NKAIN1: variants seen among roughly 807,000 people sequenced by gnomAD.
NKAIN1 encodes the protein sodium/potassium transporting ATPase interacting 1, also known as sodium/potassium-transporting ATPase subunit beta-1-interacting protein 1.
A neutral mutation model predicts 31.6 loss-of-function variants in NKAIN1; 13 were observed. The observed-to-expected ratio is 0.41, with a 90% CI of 0.27 to 0.65. The LOEUF is 0.65. Ranked by LOEUF, NKAIN1 falls within the 30% of genes least tolerant of loss-of-function variation. The pLI is 0.30. For synonymous variants in NKAIN1, 104 were observed against 109.0 expected (o/e 0.95, Z 0.28); for missense variants, 193 against 262.2 (o/e 0.74, Z 1.82).
At chr1:31,183,468 T>TA (rs1645219060) in intron 4 of NKAIN1, among the ~76,000 whole-genome samples, 4 of 129,110 alleles carry the variant, frequency 3.1e-5, no homozygotes, top group African/African-American at 1.2e-4. Context: ...TTTTTTTTTT[T>TA]ATGGAGTTTC....
intron 1 of NKAIN1, among the ~76,000 whole-genome samples, chr1:31,231,688 G>A (rs1269235462): frequency 3.0e-5 from 2 of 66,856 alleles, no homozygotes; most frequent in East Asian, 8.7e-4. Flanking sequence ...CCGCCACCAC[G>A]CCCGGCTAAT....
intron 1 of NKAIN1, among the ~76,000 whole-genome samples, chr1:31,215,506 G>T (rs1306617338): frequency 2.0e-5 from 3 of 152,192 alleles, no homozygotes; most frequent in African/African-American, 7.2e-5. Flanking sequence ...GGTGTAGGGG[G>T]TCTGTCAGTC....
At chr1:31,232,802 C>G (rs1348232445) in intron 1 of NKAIN1, among the ~76,000 whole-genome samples, 1 of 152,034 alleles carries the variant, frequency 6.6e-6, no homozygotes, top group East Asian at 1.9e-4. Context: ...AACAATTGTT[C>G]TCAAACCCTT....
At chr1:31,231,587 G>A (rs1210618731) in intron 1 of NKAIN1, among the ~76,000 whole-genome samples, 1 of 152,162 alleles carries the variant, frequency 6.6e-6, no homozygotes, top group South Asian at 2.1e-4. Context: ...CTGGAGTGCA[G>A]TGGCGCCATC....
At chr1:31,215,566 A>C (rs1346516485) in intron 1 of NKAIN1, among the ~76,000 whole-genome samples, 1 of 152,122 alleles carries the variant, frequency 6.6e-6, no homozygotes, top group Non-Finnish European at 1.5e-5. Flanking sequence ...TGAAGCTCTG[A>C]TTATCAGCAC....
At position 31,180,365 on chromosome 1, in the gene NKAIN1, G is replaced by C. The variant is rs1018631911; in HGVS notation, c.*1338C>G. ...CGTGGGATGCAGCGTCCTCAGGAGT[G>C]TCTGTGGAGGGAGGTGGGGAAAGTG... On this transcript the variant is annotated 3_prime_UTR_variant, in exon 7 of 7. Coordinates refer to ENST00000373736, the MANE Select transcript of NKAIN1 (RefSeq NM_024522.3). The C allele has an allele frequency of 6.6e-6, 1 of 152,244 alleles. No homozygotes were observed. The highest frequency in any genetic ancestry group is 2.4e-5 in the African/African-American group (1 of 41,462). 9.4% of individuals were successfully genotyped at this position (152,244 alleles called of 1,614,324 possible).
chr1:31,207,045 G>A (rs148606504), intron 1 of NKAIN1, among the ~76,000 whole-genome samples: 4 of 152,104 alleles, frequency 2.6e-5, no homozygotes, highest in African/African-American at 4.8e-5. Flanking sequence ...GGCTGTATGT[G>A]CTTTTTAAAC....
At chr1:31,219,018 A>G (rs989649808) in intron 1 of NKAIN1, among the ~76,000 whole-genome samples, 1 of 152,158 alleles carries the variant, frequency 6.6e-6, no homozygotes, top group Non-Finnish European at 1.5e-5. Context: ...TCAAGTCCAG[A>G]CCCTTCTCTA....
chr1:31,198,856 C>T (rs1043499515), intron 1 of NKAIN1, among the ~76,000 whole-genome samples: 1 of 152,172 alleles, frequency 6.6e-6, no homozygotes. Context: ...AGACGCCAAC[C>T]CCAGGAGCCC....
intron 1 of NKAIN1, among the ~76,000 whole-genome samples, chr1:31,232,424 T>TATATATATAGAGAGAGAG (rs1313157898): frequency 1.2e-4 from 2 of 16,920 alleles, no homozygotes; most frequent in Non-Finnish European, 2.3e-4. Context: ...TATATATATA[T>TATATATATAGAGAGAGAG]AGAGAGAGAG....
In NKAIN1 at chr1:31,183,798, G is replaced by A. The variant is rs763597532; in HGVS notation, c.471+19C>T. On this transcript the variant is annotated intron_variant, in intron 4 of 6. Coordinates refer to ENST00000373736, the MANE Select transcript of NKAIN1 (RefSeq NM_024522.3). ...AGGGATCGGGAAGTGTGTGTAGGGT[G>A]GGGGACAGAAGGACTTACTGCCAGG... 2 of 1,604,378 alleles carry A rather than the reference G, an allele frequency of 1.2e-6. No homozygotes were observed. The highest frequency in any genetic ancestry group is 1.7e-6 in the Non-Finnish European group (2 of 1,174,266).
intron 1 of NKAIN1, among the ~76,000 whole-genome samples, chr1:31,218,015 A>ATTTTCTTTCTTT (rs1557659853): frequency 3.0e-5 from 2 of 66,226 alleles, no homozygotes; most frequent in Non-Finnish European, 7.8e-5. Flanking sequence ...AGCAGCTACC[A>ATTTTCTTTCTTT]TTTTCTTTCT....
chr1:31,184,076 C>T, intron 3 of NKAIN1, 62 bp from the exon 4 acceptor site: 1 of 1,464,370 alleles, frequency 6.8e-7, no homozygotes, highest in Non-Finnish European at 9.4e-7. Context: ...GCTACTCCCC[C>T]AGCCCAGGAA....
intron 1 of NKAIN1, among the ~76,000 whole-genome samples, chr1:31,222,519 G>T (rs939235718): frequency 3.3e-5 from 5 of 152,228 alleles, no homozygotes; most frequent in Non-Finnish European, 7.3e-5. Context: ...TCTGGGGGTG[G>T]TGACCCGTCA....
In NKAIN1 at chr1:31,239,448, C is replaced by T. The variant is rs910996767; in HGVS notation, c.54+46G>A. ...ACCCGCACGCCCTGGGACCGCGCCC[C>T]GCCGCGCCCCACCCTGCCCCGACTG... On this transcript the variant is annotated intron_variant, in intron 1 of 6. Transcript: ENST00000373736. This position sits in a 1 kb window ranked among gnomAD's most constrained non-coding sequence, Gnocchi z 4.8. 8 of 1,411,598 alleles carry T rather than the reference C, an allele frequency of 5.7e-6. No individual in the cohort carries two copies. Among genetic ancestry groups the T allele is most frequent in the East Asian group, 3.1e-5 (1 of 32,744 alleles). The allele number at this position is 1,411,598 out of a possible 1,614,324, so 87.4% of individuals were successfully genotyped here.
At chr1:31,207,157 A>G (rs1236562121) in intron 1 of NKAIN1, among the ~76,000 whole-genome samples, 1 of 152,232 alleles carries the variant, frequency 6.6e-6, no homozygotes, top group Non-Finnish European at 1.5e-5. Flanking sequence ...AAGAAGCTGT[A>G]CACCACAGAG....
intron 1 of NKAIN1, among the ~76,000 whole-genome samples, chr1:31,205,507 C>T (rs1323573349): frequency 6.6e-6 from 1 of 151,802 alleles, no homozygotes; most frequent in Non-Finnish European, 1.5e-5. Flanking sequence ...TGGGGTTTCA[C>T]TATGTTGGCC....
At chr1:31,209,781 C>T (rs1313909198) in intron 1 of NKAIN1, among the ~76,000 whole-genome samples, 1 of 151,954 alleles carries the variant, frequency 6.6e-6, no homozygotes, top group Non-Finnish European at 1.5e-5. Context: ...CGCATCACTC[C>T]CCTCCAGTCT....
chr1:31,185,434 T>C, intron 2 of NKAIN1, 107 bp from the exon 3 acceptor site: 3 of 828,912 alleles, frequency 3.6e-6, no homozygotes, highest in Non-Finnish European at 6.0e-6. Context: ...GGGGAAATTA[T>C]GAGAATACCT....
Sources: gnomAD v4.1 joint callset for allele counts (sites outside exome capture counted in the v4.1 genomes callset) on GRCh38, gnomAD v4.1.1 for gene constraint, Gnocchi (gnomAD v3.1) non-coding constraint, MANE v1.5 for transcripts, NCBI Gene and HGNC (gene_info 2026-07-23, HGNC 2026-07-21) for gene names.